The following TNRC6B variants were observed in gnomAD, a reference collection of about 807,000 sequenced individuals.
The protein encoded by TNRC6B is trinucleotide repeat containing adaptor 6B.
A neutral mutation model predicts 203.6 loss-of-function variants in TNRC6B; 52 were observed. The observed-to-expected ratio is 0.26, with a 90% CI of 0.20 to 0.32. The LOEUF (loss-of-function observed/expected upper bound fraction) is 0.32, where lower values mean the gene tolerates loss of function less well. TNRC6B is among the 10% of genes least tolerant of loss of function. TNRC6B has a pLI of 1.00. For missense variants in TNRC6B, 1,923 were observed against 2,286.2 expected, an observed-to-expected ratio of 0.84 and a Z score of 3.24; for synonymous variants, 838 against 845.7, an observed-to-expected ratio of 0.99 and a Z score of 0.16.
intron 3 of TNRC6B, among the ~76,000 whole-genome samples, chr22:40,154,899 A>G (rs1468815133): frequency 8.9e-6 from 1 of 112,514 alleles, no homozygotes; most frequent in African/African-American, 3.7e-5. Context: ...ATATATACAT[A>G]TATATATATA....
chr22:40,047,039 T>G (rs1384158540), intron 1 of TNRC6B, among the ~76,000 whole-genome samples: 1 of 152,174 alleles, frequency 6.6e-6, no homozygotes, highest in Admixed American at 6.5e-5. Flanking sequence ...ATGCCAGCCT[T>G]TTGACATCTT....
At chr22:40,138,629 G>A (rs2068620506) in intron 3 of TNRC6B, among the ~76,000 whole-genome samples, 1 of 152,146 alleles carries the variant, frequency 6.6e-6, no homozygotes, top group Non-Finnish European at 1.5e-5. Flanking sequence ...GGCAGCCCAG[G>A]TAAAACTAAA....
chr22:40,103,724 C>T (rs1360374196), intron 1 of TNRC6B, among the ~76,000 whole-genome samples: 1 of 151,908 alleles, frequency 6.6e-6, no homozygotes, highest in Non-Finnish European at 1.5e-5. Context: ...CTTCCTGCAA[C>T]CTCTACCTCT....
chr22:40,162,385 C>T (rs564017985), intron 4 of TNRC6B, among the ~76,000 whole-genome samples: 1 of 152,296 alleles, frequency 6.6e-6, no homozygotes, highest in Admixed American at 6.5e-5. Flanking sequence ...TGAGCCACCG[C>T]ACCCGGTTTT....
chr22:40,285,607 G>A (rs2070769601), intron 11 of TNRC6B, 38 bp from the exon 12 acceptor site: 2 of 1,593,352 alleles, frequency 1.3e-6, no homozygotes, highest in Middle Eastern at 1.7e-4. Flanking sequence ...ATTTTCTTAT[G>A]TTAACAAAAA....
rs140363892 is a variant in TNRC6B at position 40,203,873 on chromosome 22, T to A, written c.5+25733T>A. On this transcript the variant is annotated intron_variant, in intron 1 of 22. Transcript: ENST00000454349. ...TGTTAGTCAGAGAGGGAGGAGGGTG[T>A]CCAGCATCGGCGTGGGCCTCTAGTT... 2.0e-3 allele frequency among the ~76,000 whole-genome samples: 304 copies of A among 152,294 alleles called. 1 individual carries two copies. The highest frequency in any genetic ancestry group is 7.1e-3 in the African/African-American group (297 of 41,554).
chr22:40,110,531 C>T (rs1313281935), intron 1 of TNRC6B, among the ~76,000 whole-genome samples: 6 of 152,210 alleles, frequency 3.9e-5, no homozygotes, highest in Non-Finnish European at 8.8e-5. Flanking sequence ...CTTACTTTCT[C>T]AAGCCTTTTC....
At chr22:40,074,778 CCAAA>C (rs1305025658) in intron 1 of TNRC6B, among the ~76,000 whole-genome samples, 151 of 150,326 alleles carry the variant, frequency 1.0e-3, no homozygotes, top group African/African-American at 3.6e-3. Context: ...GACTCCGTCT[CCAAA>C]AAAAAAATAA....
rs1040370666 is a variant in TNRC6B at position 40,333,755 on chromosome 22, T to C, written c.*10514T>C. 2 of 152,620 alleles carry C rather than the reference T, an allele frequency of 1.3e-5. No homozygotes were observed. The highest frequency in any genetic ancestry group is 4.8e-5 in the African/African-American group (2 of 41,440). 9.5% of individuals were successfully genotyped at this position (152,620 alleles called of 1,614,324 possible). On this transcript the variant is annotated 3_prime_UTR_variant, in exon 23 of 23. Transcript: ENST00000454349. ...CTCTTCCATTACCCCCTCCATGAGC[T>C]CGAAGCGACATTAAGTAGAGGGAAA...
In TNRC6B at chr22:40,242,189, TGTGTGTG is replaced by T. The variant is rs757715664; in HGVS notation, c.6-3825_6-3819del. Among the ~76,000 whole-genome samples the T allele has an allele frequency of 1.2e-4, 18 of 150,620 alleles. No homozygotes were observed. The South Asian group carries it at 1.5e-3, about 12-fold the overall frequency. Reference sequence around the variant, plus strand: ...AGCTAAGGGAATAAGAGTGTGTGTGTGTGTGTGTGTGTGTGTGTGTGCATGCGCACGT... The same window carrying T: ...AGCTAAGGGAATAAGAGTGTGTGTGTTGTGTGTGTGTGTGCATGCGCACGT... On this transcript the variant is annotated intron_variant, in intron 1 of 22. Coordinates refer to ENST00000454349, the MANE Select transcript of TNRC6B (RefSeq NM_001162501.2).
At chr22:40,242,661 C>T (rs1382517001) in intron 1 of TNRC6B, among the ~76,000 whole-genome samples, 1 of 151,972 alleles carries the variant, frequency 6.6e-6, no homozygotes, top group African/African-American at 2.4e-5. Flanking sequence ...AACTCCTGAC[C>T]TCAGGTGATC....
chr22:40,137,461 G>T (rs772346477), intron 3 of TNRC6B, among the ~76,000 whole-genome samples: 8 of 152,168 alleles, frequency 5.3e-5, no homozygotes, highest in Non-Finnish European at 1.2e-4. Flanking sequence ...GGAAAAGTCA[G>T]TTTATAGAAC....
At chr22:40,202,210 G>A (rs1389935323) in intron 1 of TNRC6B, among the ~76,000 whole-genome samples, 1 of 150,450 alleles carries the variant, frequency 6.6e-6, no homozygotes, top group South Asian at 2.1e-4. Context: ...TGAAAAACCA[G>A]AATAGGCTTT....
intron 1 of TNRC6B, among the ~76,000 whole-genome samples, chr22:40,067,875 G>A (rs2067909748): frequency 6.6e-6 from 1 of 152,132 alleles, no homozygotes; most frequent in African/African-American, 2.4e-5. Context: ...ACACCCAGAA[G>A]CAATGCTTCA....
intron 1 of TNRC6B, among the ~76,000 whole-genome samples, chr22:40,187,333 C>A (rs937316101): frequency 2.6e-5 from 4 of 152,100 alleles, no homozygotes; most frequent in African/African-American, 9.7e-5. Flanking sequence ...TTAGAAGGGT[C>A]AAATCTCTAA....
chr22:40,274,817 T>C (rs2070616260), intron 7 of TNRC6B, among the ~76,000 whole-genome samples: 1 of 152,212 alleles, frequency 6.6e-6, no homozygotes, highest in Non-Finnish European at 1.5e-5. Context: ...ATGAGGACTT[T>C]GGTTTTCAAT....
chr22:40,055,871 C>G (rs543080468), intron 1 of TNRC6B, among the ~76,000 whole-genome samples: 1 of 152,186 alleles, frequency 6.6e-6, no homozygotes, highest in Non-Finnish European at 1.5e-5. Context: ...AGAAGGGCCT[C>G]TGGTATATGT....
chr22:40,314,765 G>A lies in TNRC6B; in HGVS notation c.4679-518G>A, dbSNP rs147924893. The stretch of plus-strand genomic sequence containing the variant: ...TTCCTCACAGCACTGATTTCGTGCC[G>A]TATGCATAGTAAGCCCTTAGTGAAT... On this transcript the variant is annotated intron_variant, in intron 19 of 22. Transcript: ENST00000454349. Among the ~76,000 whole-genome samples the A allele has an allele frequency of 4.3e-3, 653 of 152,280 alleles. 1 individual carries two copies. Among genetic ancestry groups the A allele is most frequent in the Admixed American group, 5.6e-3 (85 of 15,300 alleles).
intron 12 of TNRC6B, among the ~76,000 whole-genome samples, chr22:40,299,823 A>G (rs1325549549): frequency 6.6e-6 from 1 of 152,220 alleles, no homozygotes; most frequent in Non-Finnish European, 1.5e-5. Context: ...AAATCATCTT[A>G]GAGGAGCAAA....
Sources: gnomAD v4.1 joint callset for allele counts (sites outside exome capture counted in the v4.1 genomes callset) on GRCh38, gnomAD v4.1.1 for gene constraint, MANE v1.5 for transcripts, NCBI Gene and HGNC (gene_info 2026-07-23, HGNC 2026-07-21) for gene names.